The following FILIP1L variants were observed in gnomAD, a reference collection of about 807,000 sequenced individuals.
FILIP1L encodes the protein filamin A-interacting protein 1-like.
Under a neutral mutation model 96.6 loss-of-function variants are expected in FILIP1L, and 55 were observed. The observed-to-expected ratio is 0.57, with a 90% CI of 0.46 to 0.71. FILIP1L has a LOEUF of 0.71. Among genes scored for constraint, FILIP1L ranks in the 30% least tolerant of loss-of-function variants. The pLI, the probability that FILIP1L is intolerant of heterozygous loss-of-function variation, is 0.00. For missense variants in FILIP1L, 1,304 were observed against 1,321.2 expected (o/e 0.99, Z 0.20); for synonymous variants, 467 against 473.9 (o/e 0.99, Z 0.19).
At chr3:99,893,516 G>A (rs1706158026) in intron 4 of FILIP1L, among the ~76,000 whole-genome samples, 1 of 152,084 alleles carries the variant, frequency 6.6e-6, no homozygotes, top group African/African-American at 2.4e-5. Flanking sequence ...AAATATTATT[G>A]TTCATTTTAT....
chr3:99,927,373 T>G (rs1018667253), intron 3 of FILIP1L, among the ~76,000 whole-genome samples: 2 of 138,282 alleles, frequency 1.4e-5, no homozygotes, highest in East Asian at 2.1e-4. Context: ...TTTCTTTCTG[T>G]TTTTTTTTTT....
At chr3:99,897,509 A>G (rs895660394) in intron 4 of FILIP1L, among the ~76,000 whole-genome samples, 3 of 152,192 alleles carry the variant, frequency 2.0e-5, no homozygotes, top group Non-Finnish European at 4.4e-5. Context: ...CCAAATTTTG[A>G]ATTTTCTTTA....
At chr3:99,981,615 T>A (rs1709127103) in intron 1 of FILIP1L, among the ~76,000 whole-genome samples, 1 of 152,196 alleles carries the variant, frequency 6.6e-6, no homozygotes, top group Admixed American at 6.5e-5. Flanking sequence ...TATGTATGAA[T>A]CCCCGTTTTG....
intron 1 of FILIP1L, among the ~76,000 whole-genome samples, chr3:99,955,893 C>T (rs1471259580): frequency 6.6e-6 from 1 of 152,184 alleles, no homozygotes; most frequent in Non-Finnish European, 1.5e-5. Context: ...AACGCATCTT[C>T]TCTGTTCTCC....
intron 1 of FILIP1L, among the ~76,000 whole-genome samples, chr3:99,960,910 A>G (rs77901908): frequency 0.017 from 2,522 of 152,350 alleles, 41 homozygotes; most frequent in Middle Eastern, 0.027. Context: ...GCAGACCAAC[A>G]AAGTGAAATG....
Position 99,994,362 on chromosome 3 carries a change from A to C in FILIP1L, c.-10-63332T>G, listed in dbSNP as rs573439454. 3.3e-5 allele frequency among the ~76,000 whole-genome samples: 5 copies of C among 152,348 alleles called. No individual in the cohort carries two copies. In the South Asian group the frequency reaches 1.0e-3, roughly 32 times the overall value. ...AAAGTAACAAAGAAATATTGGACTTAAATTGGACTTTAAACCAAATGGACT... is the reference window on the plus strand; with the variant it reads ...AAAGTAACAAAGAAATATTGGACTTCAATTGGACTTTAAACCAAATGGACT... On this transcript the variant is annotated intron_variant, in intron 1 of 5. Coordinates refer to ENST00000477258, the MANE Select transcript of FILIP1L (RefSeq NM_001387850.1).
At chr3:99,863,494 T>A (rs775603149) in intron 4 of FILIP1L, among the ~76,000 whole-genome samples, 19 of 152,308 alleles carry the variant, frequency 1.2e-4, no homozygotes, top group African/African-American at 3.4e-4. Flanking sequence ...AAGTAGACTA[T>A]TAAGGATATT....
At chr3:99,984,811 T>A (rs1673109744) in intron 1 of FILIP1L, among the ~76,000 whole-genome samples, 1 of 152,204 alleles carries the variant, frequency 6.6e-6, no homozygotes, top group Non-Finnish European at 1.5e-5. Context: ...AGGATCATAT[T>A]CAGCTAATGT....
At chr3:99,853,621 A>G (rs1315745213) in intron 4 of FILIP1L, among the ~76,000 whole-genome samples, 1 of 152,160 alleles carries the variant, frequency 6.6e-6, no homozygotes, top group African/African-American at 2.4e-5. Context: ...CATGTTGCGT[A>G]TTTTTCAGCA....
intron 1 of FILIP1L, among the ~76,000 whole-genome samples, chr3:99,949,490 C>T (rs1016096002): frequency 6.6e-6 from 1 of 152,170 alleles, no homozygotes; most frequent in African/African-American, 2.4e-5. Flanking sequence ...CGTATAGTCC[C>T]ACCTTTCAAC....
chr3:99,930,927 T>G lies in FILIP1L; in HGVS notation c.94A>C (p.Lys32Gln), dbSNP rs1283482545. The G allele has an allele frequency of 6.2e-7, 1 of 1,613,666 alleles. No homozygotes were observed. The highest frequency in any genetic ancestry group is 2.2e-5 in the East Asian group (1 of 44,854). ...GHSFQGPKNM[K>Q]HRQQDKDSPS... ...GAGTCTTTGTCTTGCTGTCTATGCT[T>G]CATGTTTTTAGGCCCTTGGAAACTG... Residue 32 changes from lysine (K) to glutamine (Q), a missense_variant, in exon 2 of 6, where the codon AAG (lysine) becomes CAG (glutamine). Transcript: ENST00000477258.
chr3:99,911,780 T>C (rs1470691017), intron 4 of FILIP1L, among the ~76,000 whole-genome samples: 1 of 152,200 alleles, frequency 6.6e-6, no homozygotes, highest in Non-Finnish European at 1.5e-5. Context: ...ATTCTACTTA[T>C]GTTTCCACCT....
intron 1 of FILIP1L, among the ~76,000 whole-genome samples, chr3:99,983,390 ATATATAT>A (rs1709192215): frequency 8.8e-5 from 1 of 11,340 alleles, no homozygotes; most frequent in African/African-American, 1.9e-4. Flanking sequence ...AAATAAATAA[ATATATAT>A]ATATATATAT....
intron 1 of FILIP1L, chr3:100,110,004 G>A (rs964497562): frequency 2.1e-5 from 3 of 141,428 alleles, no homozygotes; most frequent in South Asian, 2.2e-4. Flanking sequence ...TTTCTTGTTC[G>A]AAGAAGAAAG....
intron 4 of FILIP1L, among the ~76,000 whole-genome samples, chr3:99,890,479 A>G (rs1255137250): frequency 6.6e-6 from 1 of 152,086 alleles, no homozygotes; most frequent in Non-Finnish European, 1.5e-5. Context: ...AATCTCTTAT[A>G]ACCTAGATTA....
intron 1 of FILIP1L, among the ~76,000 whole-genome samples, chr3:99,973,114 G>A (rs929594344): frequency 2.0e-5 from 3 of 152,168 alleles, no homozygotes; most frequent in African/African-American, 4.8e-5. Context: ...AGGGCAAAAT[G>A]AGGCCACCTG....
chr3:100,101,098 A>C (rs1027428351), intron 1 of FILIP1L, among the ~76,000 whole-genome samples: 34 of 152,310 alleles, frequency 2.2e-4, no homozygotes, highest in African/African-American at 7.7e-4. Flanking sequence ...TGGGTGGTAC[A>C]TACTGGAATT....
At chr3:99,927,163 CT>C (rs1416392904) in intron 3 of FILIP1L, among the ~76,000 whole-genome samples, 4 of 152,172 alleles carry the variant, frequency 2.6e-5, no homozygotes, top group Non-Finnish European at 5.9e-5. Context: ...ACCTGGAAAT[CT>C]TTTTTCCTCT....
At chr3:99,877,335 C>T (rs1023667238) in intron 4 of FILIP1L, among the ~76,000 whole-genome samples, 1 of 152,042 alleles carries the variant, frequency 6.6e-6, no homozygotes, top group South Asian at 2.1e-4. Flanking sequence ...ACAAGAATGA[C>T]GAAAATAGTC....
Sources: allele counts gnomAD v4.1 joint callset (sites outside exome capture counted in the v4.1 genomes callset), GRCh38; gene constraint gnomAD v4.1.1; transcripts MANE v1.5; gene names NCBI Gene and HGNC (gene_info 2026-07-23, HGNC 2026-07-21).